The following SHANK2 variants were observed in gnomAD, a reference collection of about 807,000 sequenced individuals.
SHANK2 encodes SH3 and multiple ankyrin repeat domains 2.
A neutral mutation model predicts 133.7 loss-of-function variants in SHANK2; 43 were observed. The ratio of observed to expected loss-of-function variants is 0.32; its 90% CI spans 0.25 to 0.41. SHANK2 has a LOEUF of 0.41. SHANK2 is among the 10% of genes least tolerant of loss of function. The pLI is 1.00. For missense variants in SHANK2, 1,994 were observed against 2,235.8 expected (o/e 0.89, Z 2.18); for synonymous variants, 1,017 against 952.8 (o/e 1.07, Z -1.24).
intron 2 of SHANK2, among the ~76,000 whole-genome samples, chr11:71,196,109 G>T (rs1953897276): frequency 1.3e-5 from 2 of 152,092 alleles, no homozygotes; most frequent in African/African-American, 4.8e-5. Flanking sequence ...CTTGAGCCCA[G>T]GAGTTTGAGT....
intron 11 of SHANK2, among the ~76,000 whole-genome samples, chr11:70,888,401 C>G (rs927664010): frequency 2.0e-5 from 3 of 152,150 alleles, no homozygotes; most frequent in Admixed American, 1.3e-4. Context: ...TGAAAATGTT[C>G]GAGTCAGATA....
intron 17 of SHANK2, among the ~76,000 whole-genome samples, chr11:70,552,687 G>A (rs1291438721): frequency 1.3e-5 from 2 of 152,192 alleles, no homozygotes; most frequent in Admixed American, 6.5e-5. Context: ...AGGGTTCTCC[G>A]TGGCGCAGGG....
chr11:70,554,901 A>AT lies in SHANK2; in HGVS notation c.2062-51971dup, dbSNP rs11435528. On this transcript the variant is annotated intron_variant, in intron 17 of 25. Coordinates refer to ENST00000601538, the MANE Select transcript of SHANK2 (RefSeq NM_012309.5). The stretch of plus-strand genomic sequence containing the variant: ...CTTCATTGCACTTCACGAACATTGC[A>AT]TTTTTTTTTTTTTTAACAAATCGAA... Among the ~76,000 whole-genome samples the AT allele has an allele frequency of 4.2e-3, 560 of 134,144 alleles. 2 individuals carry two copies. The highest frequency in any genetic ancestry group is 6.8e-3 in the African/African-American group (244 of 35,860). The allele number at this position is 134,144 out of a possible 152,430, so 88.0% of individuals were successfully genotyped here.
At chr11:70,749,669 A>G (rs1278691767) in intron 14 of SHANK2, among the ~76,000 whole-genome samples, 1 of 152,238 alleles carries the variant, frequency 6.6e-6, no homozygotes, top group Non-Finnish European at 1.5e-5. Context: ...ACATTTTCAT[A>G]AAAAGGAACC....
rs114353661 is a variant in SHANK2 at position 70,756,422 on chromosome 11, G to A, written c.1777+42021C>T. ...CCTAGGGATAGACAGGAGGTGAACC[G>A]GAGAAGAGCCCAGGTTAGCAGGTGA... On this transcript the variant is annotated intron_variant, in intron 14 of 25. Coordinates refer to ENST00000601538, the MANE Select transcript of SHANK2 (RefSeq NM_012309.5). Among the ~76,000 whole-genome samples, 1,095 of 152,268 alleles carry A rather than the reference G, an allele frequency of 7.2e-3. 20 individuals are homozygous for A. Among genetic ancestry groups the A allele is most frequent in the African/African-American group, 0.025 (1,031 of 41,542 alleles).
At chr11:71,064,484 G>A in intron 9 of SHANK2, among the ~76,000 whole-genome samples, 1 of 152,192 alleles carries the variant, frequency 6.6e-6, no homozygotes, top group Non-Finnish European at 1.5e-5. Context: ...AGGAGAGAAG[G>A]GCACAGGACA....
At chr11:70,549,682 T>C (rs1554977360) in intron 17 of SHANK2, among the ~76,000 whole-genome samples, 1 of 152,164 alleles carries the variant, frequency 6.6e-6, no homozygotes, top group East Asian at 1.9e-4. Context: ...GCTCTGTCCC[T>C]GGGATGGGAC....
chr11:70,874,485 G>A (rs1419142055), intron 11 of SHANK2, among the ~76,000 whole-genome samples: 1 of 152,026 alleles, frequency 6.6e-6, no homozygotes, highest in Non-Finnish European at 1.5e-5. Flanking sequence ...TGGAACTACA[G>A]GCACATGCCC....
chr11:71,152,240 T>C (rs1439559234), intron 2 of SHANK2, among the ~76,000 whole-genome samples: 2 of 151,992 alleles, frequency 1.3e-5, no homozygotes, highest in African/African-American at 4.8e-5. Flanking sequence ...AGCCTCCCAA[T>C]TAGCTGGGAT....
intron 17 of SHANK2, among the ~76,000 whole-genome samples, chr11:70,605,675 G>A (rs189966638): frequency 3.3e-4 from 51 of 152,310 alleles, no homozygotes; most frequent in Non-Finnish European, 5.4e-4. Context: ...GGAGGGGGAC[G>A]AGGAACGCAG....
chr11:70,864,173 T>C (rs879983888), intron 11 of SHANK2: 1 of 204,702 alleles, frequency 4.9e-6, no homozygotes, highest in African/African-American at 2.4e-5. Context: ...GGGCCCATCA[T>C]TTGGAAAGGG....
chr11:70,893,550 G>A lies in SHANK2; in HGVS notation c.1174+2951C>T, dbSNP rs527447738. On this transcript the variant is annotated intron_variant, in intron 11 of 25. Transcript: ENST00000601538. ...CTCCACACCCTTCATCTCTCTCTGC[G>A]GGAAACTTTCAACACAATTGATCTA... 2.0e-4 allele frequency among the ~76,000 whole-genome samples: 31 copies of A among 152,286 alleles called. No homozygotes were observed. The East Asian group carries it at 3.5e-3, about 17-fold the overall frequency.
At chr11:71,155,381 G>T (rs868910605) in intron 2 of SHANK2, among the ~76,000 whole-genome samples, 2 of 137,492 alleles carry the variant, frequency 1.5e-5, no homozygotes, top group Non-Finnish European at 3.1e-5. Flanking sequence ...GCTCCCAGAG[G>T]GGTGGACCTA....
intron 5 of SHANK2, among the ~76,000 whole-genome samples, chr11:71,111,280 G>C (rs781814069): frequency 2.6e-5 from 4 of 152,224 alleles, no homozygotes; most frequent in Non-Finnish European, 5.9e-5. Context: ...CAGGGAGTGA[G>C]GCCCGCAGAT....
chr11:70,931,880 T>A (rs1055149364), intron 10 of SHANK2, among the ~76,000 whole-genome samples: 2 of 152,220 alleles, frequency 1.3e-5, no homozygotes, highest in Admixed American at 6.5e-5. Context: ...CTAATGTTTT[T>A]TATAAAGAAA....
chr11:70,552,464 A>C (rs2059782024), intron 17 of SHANK2, among the ~76,000 whole-genome samples: 1 of 152,190 alleles, frequency 6.6e-6, no homozygotes, highest in Non-Finnish European at 1.5e-5. Context: ...ACTTGACAAC[A>C]ACTGAAAAAT....
rs138500165 is a variant in SHANK2, at chr11:70,571,065, G to A, written c.2062-68134C>T. ...AAAACCACAGCAGCTGGGTCCTGGA[G>A]GCGGATTCTAGGGAATGACTCTCCC... On this transcript the variant is annotated intron_variant, in intron 17 of 25. Coordinates refer to ENST00000601538, the MANE Select transcript of SHANK2 (RefSeq NM_012309.5). Among the ~76,000 whole-genome samples, 409 of 152,188 alleles carry A rather than the reference G, an allele frequency of 2.7e-3. 4 individuals are homozygous for A. The highest frequency in any genetic ancestry group is 9.6e-3 in the African/African-American group (399 of 41,532).
At position 70,731,863 on chromosome 11, in the gene SHANK2, G is replaced by A. The variant is rs370519200; in HGVS notation, c.1778-33100C>T. On this transcript the variant is annotated intron_variant, in intron 14 of 25. Transcript: ENST00000601538. Reference sequence around the variant, plus strand: ...GTGGAACGGCTGATGAGCAGCCCTCGTCTCAGCTGACACAGCCGCCTCCTC... The same window carrying A: ...GTGGAACGGCTGATGAGCAGCCCTCATCTCAGCTGACACAGCCGCCTCCTC... Among the ~76,000 whole-genome samples the A allele has an allele frequency of 1.8e-4, 28 of 152,270 alleles. No homozygotes were observed. In the South Asian group the frequency reaches 4.6e-3, roughly 25 times the overall value.
chr11:71,180,937 A>G (rs1273876291), intron 2 of SHANK2, among the ~76,000 whole-genome samples: 2 of 151,958 alleles, frequency 1.3e-5, no homozygotes, highest in African/African-American at 2.4e-5. Context: ...TCTGGCCATA[A>G]AGCAACCTTC....
Sources: gnomAD v4.1 joint callset for allele counts (sites outside exome capture counted in the v4.1 genomes callset) on GRCh38, gnomAD v4.1.1 for gene constraint, MANE v1.5 for transcripts, NCBI Gene and HGNC (gene_info 2026-07-23, HGNC 2026-07-21) for gene names.